Variants in PRKN observed in about 807,000 individuals in gnomAD.
The protein encoded by PRKN is E3 ubiquitin-protein ligase parkin.
PRKN carries 56 observed loss-of-function variants against 59.5 expected under a neutral mutation model. That is an observed-to-expected ratio of 0.94 (90% CI 0.76 to 1.18). The LOEUF (loss-of-function observed/expected upper bound fraction) is 1.18, where lower values mean the gene tolerates loss of function less well. Ranked by LOEUF, PRKN falls within the 50% of genes most tolerant of loss-of-function variation. PRKN has a pLI of 0.00. For missense variants in PRKN, 657 were observed against 596.4 expected (o/e 1.10, Z -1.06); for synonymous variants, 250 against 222.1 (o/e 1.13, Z -1.12).
intron 5 of PRKN, among the ~76,000 whole-genome samples, chr6:161,998,795 A>G (rs1449482534): frequency 6.6e-6 from 1 of 152,114 alleles, no homozygotes; most frequent in Non-Finnish European, 1.5e-5. Flanking sequence ...TCATCGGGTC[A>G]ATTTCCAGTA....
chr6:162,230,293 G>A (rs1667892644), intron 3 of PRKN, among the ~76,000 whole-genome samples: 1 of 152,224 alleles, frequency 6.6e-6, no homozygotes, highest in Non-Finnish European at 1.5e-5. Flanking sequence ...CAAGAAGTAT[G>A]ACAACAGTGA....
chr6:162,475,568 A>T (rs149698474), intron 1 of PRKN, among the ~76,000 whole-genome samples: 42 of 134,870 alleles, frequency 3.1e-4, no homozygotes, highest in East Asian at 3.0e-3. Context: ...TATGCATGTG[A>T]GTGTGTGTGT....
At chr6:162,518,932 T>C (rs897002664) in intron 1 of PRKN, among the ~76,000 whole-genome samples, 1 of 152,232 alleles carries the variant, frequency 6.6e-6, no homozygotes, top group Admixed American at 6.5e-5. Flanking sequence ...TCTGCCTTCA[T>C]AGCATGGACT....
intron 1 of PRKN, among the ~76,000 whole-genome samples, chr6:162,617,592 CTAG>C (rs1782484319): frequency 1.5e-5 from 2 of 130,308 alleles, no homozygotes; most frequent in Admixed American, 7.9e-5. Flanking sequence ...GTCTAGCTAG[CTAG>C]AACTTTGTAC....
intron 6 of PRKN, among the ~76,000 whole-genome samples, chr6:161,922,538 T>A (rs991433326): frequency 6.6e-6 from 1 of 152,360 alleles, no homozygotes; most frequent in African/African-American, 2.4e-5. Flanking sequence ...TAAGTAAATT[T>A]GCTTAATTAC....
chr6:162,366,441 T>TA (rs1417736940), intron 2 of PRKN, among the ~76,000 whole-genome samples: 1 of 152,272 alleles, frequency 6.6e-6, no homozygotes, highest in Non-Finnish European at 1.5e-5. Context: ...TTTTGCTTAT[T>TA]AAAAAATAGT....
chr6:161,871,890 G>A (rs925755655), intron 6 of PRKN, among the ~76,000 whole-genome samples: 2 of 152,138 alleles, frequency 1.3e-5, no homozygotes, highest in Non-Finnish European at 2.9e-5. Context: ...GGACGTGAAC[G>A]GCTCCAGCAT....
At chr6:161,717,638 T>C (rs906431718) in intron 7 of PRKN, among the ~76,000 whole-genome samples, 3 of 152,200 alleles carry the variant, frequency 2.0e-5, no homozygotes, top group African/African-American at 7.2e-5. Context: ...ATTCATATCT[T>C]CTGGTCAGCA....
intron 7 of PRKN, among the ~76,000 whole-genome samples, chr6:161,685,042 CT>C (rs567630671): frequency 6.6e-6 from 1 of 152,164 alleles, no homozygotes; most frequent in South Asian, 2.1e-4. Flanking sequence ...CTGAAAAACT[CT>C]TTTTTTTCCT....
chr6:162,561,316 T>C (rs932612899), intron 1 of PRKN, among the ~76,000 whole-genome samples: 1 of 152,136 alleles, frequency 6.6e-6, no homozygotes, highest in Non-Finnish European at 1.5e-5. Context: ...GGAGTAGATA[T>C]TGAAGAGAAA....
At chr6:161,759,109 A>G (rs1789078244) in intron 7 of PRKN, among the ~76,000 whole-genome samples, 1 of 151,970 alleles carries the variant, frequency 6.6e-6, no homozygotes, top group African/African-American at 2.4e-5. Context: ...CTCCAGAGGC[A>G]GAGGTTGCAG....
intron 6 of PRKN, among the ~76,000 whole-genome samples, chr6:161,939,521 CG>C (rs962288346): frequency 3.3e-5 from 5 of 150,416 alleles, no homozygotes; most frequent in Non-Finnish European, 5.9e-5. Context: ...CACTTAAGGT[CG>C]GGAGTTCAAG....
At chr6:162,109,855 T>G (rs1201263297) in intron 4 of PRKN, among the ~76,000 whole-genome samples, 1 of 152,228 alleles carries the variant, frequency 6.6e-6, no homozygotes, top group African/African-American at 2.4e-5. Context: ...AGGTGTATAT[T>G]GGACATTACT....
At chr6:162,021,911 C>A (rs1314556216) in intron 5 of PRKN, among the ~76,000 whole-genome samples, 1 of 152,008 alleles carries the variant, frequency 6.6e-6, no homozygotes. Flanking sequence ...GTGTACCCAT[C>A]GTTTAGTTCC....
At chr6:162,420,685 T>G (rs568378063) in intron 2 of PRKN, among the ~76,000 whole-genome samples, 1 of 152,272 alleles carries the variant, frequency 6.6e-6, no homozygotes, top group Non-Finnish European at 1.5e-5. Context: ...TAAATTAAAA[T>G]TCAGGGATGA....
chr6:161,481,584 C>T (rs553231733), intron 9 of PRKN, among the ~76,000 whole-genome samples: 16 of 151,880 alleles, frequency 1.1e-4, no homozygotes, highest in African/African-American at 3.9e-4. Flanking sequence ...AACCTGGCGA[C>T]AGAGCAAGAC....
intron 9 of PRKN, among the ~76,000 whole-genome samples, chr6:161,505,494 T>C (rs1403920378): frequency 2.0e-5 from 3 of 152,042 alleles, no homozygotes; most frequent in Admixed American, 1.3e-4. Context: ...ACTCTGATGG[T>C]AGTTTCTTTT....
intron 1 of PRKN, among the ~76,000 whole-genome samples, chr6:162,599,315 T>C (rs1415816460): frequency 6.6e-6 from 1 of 152,160 alleles, no homozygotes; most frequent in Admixed American, 6.6e-5. Flanking sequence ...GCTTGAAAGC[T>C]GTGCCCTCAA....
intron 9 of PRKN, among the ~76,000 whole-genome samples, chr6:161,453,191 C>G (rs1789818991): frequency 6.6e-6 from 1 of 152,126 alleles, no homozygotes; most frequent in South Asian, 2.1e-4. Flanking sequence ...GAGCCTTGAA[C>G]CAGTGAACAG....
Sources: allele counts gnomAD v4.1 joint callset (sites outside exome capture counted in the v4.1 genomes callset), GRCh38; gene constraint gnomAD v4.1.1; transcripts MANE v1.5; gene names NCBI Gene and HGNC (gene_info 2026-07-23, HGNC 2026-07-21).